The following VAV3 variants were observed in gnomAD, a reference collection of about 807,000 sequenced individuals.
The protein encoded by VAV3 is guanine nucleotide exchange factor VAV3.
A neutral mutation model predicts 131.2 loss-of-function variants in VAV3; 94 were observed. The ratio of observed to expected loss-of-function variants is 0.72; its 90% CI spans 0.61 to 0.85. The LOEUF is 0.85. Ranked by LOEUF, VAV3 falls within the 40% of genes least tolerant of loss-of-function variation. VAV3 has a pLI of 0.00. For synonymous variants in VAV3, 349 were observed against 342.0 expected (o/e 1.02, Z -0.22); for missense variants, 939 against 1,002.7 (o/e 0.94, Z 0.86).
chr1:107,921,437 G>GT (rs1178839084), intron 1 of VAV3, among the ~76,000 whole-genome samples: 1 of 152,202 alleles, frequency 6.6e-6, no homozygotes, highest in African/African-American at 2.4e-5. Flanking sequence ...CCTCTAAATT[G>GT]TAAGAAGGTT....
At chr1:107,804,375 C>T (rs995515042) in intron 2 of VAV3, among the ~76,000 whole-genome samples, 3 of 152,012 alleles carry the variant, frequency 2.0e-5, no homozygotes, top group Non-Finnish European at 4.4e-5. Flanking sequence ...TGTTTTAATT[C>T]ATTGCTTTTT....
In VAV3 at chr1:107,924,763, C is replaced by T. The variant is rs555489814; in HGVS notation, c.204+39903G>A. Among the ~76,000 whole-genome samples, 6 of 152,188 alleles carry T rather than the reference C, an allele frequency of 3.9e-5. No individual in the cohort carries two copies. In the South Asian group the frequency reaches 6.2e-4, roughly 16 times the overall value. ...ACAGACACCATTGGGGGAAAAAAAA[C>T]TGTGACCATATGTTCCCTGAGAACC... is the stretch of plus-strand genomic sequence containing the variant. On this transcript the variant is annotated intron_variant, in intron 1 of 26. Transcript: ENST00000370056.
At chr1:107,921,144 G>A (rs749204802) in intron 1 of VAV3, among the ~76,000 whole-genome samples, 3 of 152,042 alleles carry the variant, frequency 2.0e-5, no homozygotes, top group South Asian at 2.1e-4. Context: ...GTTCATCTGC[G>A]TGTCATACAC....
In VAV3 at chr1:107,821,501, C is replaced by T. The variant is rs148586101; in HGVS notation, c.322-42009G>A. 9.9e-5 allele frequency among the ~76,000 whole-genome samples: 15 copies of T among 152,230 alleles called. No homozygotes were observed. In the East Asian group the frequency reaches 2.7e-3, roughly 27 times the overall value. On this transcript the variant is annotated intron_variant, in intron 2 of 26. Transcript: ENST00000370056. ...ACATAAAACCTTCAAAGAGAAGGGG[C>T]CAGTCATGTGAAGATCGTGAACAAT...
At chr1:107,585,085 A>T (rs1650375718) in intron 25 of VAV3, among the ~76,000 whole-genome samples, 1 of 152,324 alleles carries the variant, frequency 6.6e-6, no homozygotes, top group South Asian at 2.1e-4. Flanking sequence ...GAATGCTATG[A>T]TTAGACTTTA....
chr1:107,931,735 A>C (rs1673447638), intron 1 of VAV3, among the ~76,000 whole-genome samples: 1 of 152,246 alleles, frequency 6.6e-6, no homozygotes, highest in South Asian at 2.1e-4. Flanking sequence ...AAAATTACAC[A>C]GCCATTATTA....
At chr1:107,838,948 A>G (rs1038341446) in intron 2 of VAV3, among the ~76,000 whole-genome samples, 1 of 152,112 alleles carries the variant, frequency 6.6e-6, no homozygotes, top group Non-Finnish European at 1.5e-5. Context: ...GGACTACTAG[A>G]GCAAGGAGAG....
chr1:107,754,842 G>T (rs537454444), intron 12 of VAV3, among the ~76,000 whole-genome samples: 51 of 152,116 alleles, frequency 3.4e-4, no homozygotes, highest in Non-Finnish European at 6.5e-4. Flanking sequence ...CGTGTGGCTG[G>T]CTGCTTCTTA....
intron 15 of VAV3, among the ~76,000 whole-genome samples, chr1:107,713,598 A>G (rs573121822): frequency 2.6e-5 from 4 of 152,296 alleles, no homozygotes; most frequent in African/African-American, 9.6e-5. Context: ...TTTAAATAAC[A>G]AGACATCATT....
At chr1:107,855,614 A>T (rs1206487723) in intron 2 of VAV3, among the ~76,000 whole-genome samples, 1 of 152,096 alleles carries the variant, frequency 6.6e-6, no homozygotes, top group Non-Finnish European at 1.5e-5. Context: ...TGTTAAGAGC[A>T]GGGGCAGGAA....
chr1:107,800,953 A>G (rs1406561417), intron 2 of VAV3, among the ~76,000 whole-genome samples: 1 of 152,136 alleles, frequency 6.6e-6, no homozygotes, highest in African/African-American at 2.4e-5. Context: ...TCACAATTTC[A>G]AGTCTTAGAT....
chr1:107,858,758 A>T (rs1386594349), intron 2 of VAV3, among the ~76,000 whole-genome samples: 1 of 152,228 alleles, frequency 6.6e-6, no homozygotes, highest in Non-Finnish European at 1.5e-5. Context: ...AAGGTTGGGG[A>T]CTGATGCTCT....
chr1:107,673,767 A>G (rs1657988154), intron 19 of VAV3: 1 of 152,250 alleles, frequency 6.6e-6, no homozygotes, highest in Non-Finnish European at 1.5e-5. Flanking sequence ...AAACATAGGC[A>G]TTTAATAAAC....
intron 15 of VAV3, among the ~76,000 whole-genome samples, chr1:107,743,096 G>A (rs1663120320): frequency 6.6e-6 from 1 of 152,156 alleles, no homozygotes; most frequent in African/African-American, 2.4e-5. Flanking sequence ...AACAAGCACA[G>A]GGAAAACTGA....
At chr1:107,918,806 AG>A (rs201216447) in intron 1 of VAV3, among the ~76,000 whole-genome samples, 3,055 of 151,282 alleles carry the variant, frequency 0.02, 56 homozygotes, top group Non-Finnish European at 0.031. Context: ...CCCGAGTTCA[AG>A]CAATTCTCTT....
intron 19 of VAV3, among the ~76,000 whole-genome samples, chr1:107,644,922 GTATGTA>G (rs1655620266): frequency 2.9e-5 from 4 of 138,042 alleles, no homozygotes; most frequent in Admixed American, 7.4e-5. Flanking sequence ...GTATACACTA[GTATGTA>G]TACACTAGTA....
At chr1:107,960,360 G>A (rs1225815405) in intron 1 of VAV3, among the ~76,000 whole-genome samples, 1 of 152,024 alleles carries the variant, frequency 6.6e-6, no homozygotes, top group African/African-American at 2.4e-5. Flanking sequence ...CAGCTACTCT[G>A]GAGGCTCAGG....
chr1:107,878,404 A>G (rs545373391), intron 1 of VAV3, among the ~76,000 whole-genome samples: 1 of 152,140 alleles, frequency 6.6e-6, no homozygotes, highest in African/African-American at 2.4e-5. Context: ...TGGCAGTTTT[A>G]TCTTTTAGTC....
chr1:107,830,759 G>T (rs1668214765), intron 2 of VAV3, among the ~76,000 whole-genome samples: 1 of 152,182 alleles, frequency 6.6e-6, no homozygotes, highest in Non-Finnish European at 1.5e-5. Flanking sequence ...GGCAATCACA[G>T]GGTGACAACT....
Sources: gnomAD v4.1 joint callset for allele counts (sites outside exome capture counted in the v4.1 genomes callset) on GRCh38, gnomAD v4.1.1 for gene constraint, MANE v1.5 for transcripts, NCBI Gene and HGNC (gene_info 2026-07-23, HGNC 2026-07-21) for gene names.